R3HDM1: variants seen among roughly 807,000 people sequenced by gnomAD.
R3HDM1 encodes R3H domain containing 1.
A neutral mutation model predicts 141.1 loss-of-function variants in R3HDM1; 46 were observed. That is an observed-to-expected ratio of 0.33 (90% CI 0.26 to 0.42). R3HDM1 has a LOEUF of 0.42. R3HDM1 is among the 10% of genes least tolerant of loss of function. The probability of loss-of-function intolerance (pLI) is 1.00; values close to 1 mark genes in which losing one functional copy is unlikely to be tolerated. For synonymous variants in R3HDM1, 435 were observed against 472.9 expected, an observed-to-expected ratio of 0.92 and a Z score of 1.04; for missense variants, 1,184 against 1,368.3, an observed-to-expected ratio of 0.87 and a Z score of 2.12.
At chr2:135,532,067 A>C (rs1694940588) in intron 1 of R3HDM1, among the ~76,000 whole-genome samples, 2 of 152,240 alleles carry the variant, frequency 1.3e-5, no homozygotes, top group Admixed American at 1.3e-4. Flanking sequence ...CAGCCACAGC[A>C]GGCCTGCCAA....
At chr2:135,660,522 G>A (rs188907870) in intron 18 of R3HDM1, among the ~76,000 whole-genome samples, 4 of 152,172 alleles carry the variant, frequency 2.6e-5, no homozygotes, top group Admixed American at 2.6e-4. Context: ...TAAAGATTTT[G>A]GAGCATTTCA....
At chr2:135,643,007 C>G (rs1186303537) in intron 15 of R3HDM1, among the ~76,000 whole-genome samples, 1 of 151,964 alleles carries the variant, frequency 6.6e-6, no homozygotes, top group Non-Finnish European at 1.5e-5. Context: ...ATTTTTCATT[C>G]AAAACATAAT....
Position 135,638,631 on chromosome 2 carries a change from A to C in R3HDM1, c.917A>C (p.Gln306Pro), listed in dbSNP as rs759186060. 3 of 1,609,826 alleles carry C rather than the reference A, an allele frequency of 1.9e-6. No homozygotes were observed. The highest frequency in any genetic ancestry group is 2.6e-6 in the Non-Finnish European group (3 of 1,176,416). The change falls in exon 12 of 27, where the codon CAA becomes CCA. Residue 306 changes from glutamine to proline, a missense_variant. Physicochemically the swap from Gln to Pro is moderately conservative, Grantham distance 76. Coordinates refer to ENST00000683871, the MANE Select transcript of R3HDM1 (RefSeq NM_001378107.1). ...RIFSQDSLCS[Q>P]ENYIIDKRLQ... ...TCTTTTTTCTAGTCCCTGTGTTCCC[A>C]AGAGAATTACATTATTGACAAAAGG... is the stretch of plus-strand genomic sequence containing the variant.
At chr2:135,617,708 A>G (rs2061168951) in intron 5 of R3HDM1, among the ~76,000 whole-genome samples, 1 of 152,168 alleles carries the variant, frequency 6.6e-6, no homozygotes, top group Non-Finnish European at 1.5e-5. Context: ...ATGCATAAAT[A>G]TTTTTGGATC....
rs527949965 is a variant in R3HDM1, at chr2:135,589,899, T to C, written c.-249-12601T>C. Among the ~76,000 whole-genome samples, 5 of 152,216 alleles carry C rather than the reference T, an allele frequency of 3.3e-5. No homozygotes were observed. The East Asian group carries it at 9.6e-4, about 29-fold the overall frequency. On this transcript the variant is annotated intron_variant, in intron 1 of 26. Transcript: ENST00000683871. ...CTTATAAATATGCATGTCATTTTAT[T>C]ATAATATACATAGATATAAAAAGGG... is the stretch of plus-strand genomic sequence containing the variant.
intron 19 of R3HDM1, chr2:135,665,291 A>G: frequency 2.4e-6 from 1 of 409,328 alleles, no homozygotes; most frequent in Non-Finnish European, 5.1e-6. Flanking sequence ...TTAGGTTTAC[A>G]AAGCCCTAGC....
At chr2:135,710,372 C>A in intron 23 of R3HDM1, 141 bp downstream of exon 23, 1 of 830,196 alleles carries the variant, frequency 1.2e-6, no homozygotes, top group South Asian at 2.0e-5. Flanking sequence ...CCCCTGTAAT[C>A]CCAGCACTTT....
intron 19 of R3HDM1, chr2:135,667,515 A>G (rs1416460034): frequency 1.8e-6 from 1 of 566,988 alleles, no homozygotes; most frequent in Non-Finnish European, 2.2e-6. Flanking sequence ...AAATTCCTAT[A>G]AAAGATATAG....
At chr2:135,623,449 T>C (rs1019520283) in intron 7 of R3HDM1, among the ~76,000 whole-genome samples, 2 of 152,046 alleles carry the variant, frequency 1.3e-5, no homozygotes. Flanking sequence ...GATAAGAGAG[T>C]TGTTTATCTC....
intron 21 of R3HDM1, among the ~76,000 whole-genome samples, chr2:135,699,095 A>ATAGATAGATAGC (rs1184734241): frequency 6.6e-6 from 1 of 151,816 alleles, no homozygotes; most frequent in South Asian, 2.1e-4. Flanking sequence ...AGATAGATAG[A>ATAGATAGATAGC]TAGATAGATT....
chr2:135,723,884 C>G (rs2076950461), intron 26 of R3HDM1, 53 bp from the exon 27 acceptor site: 3 of 1,462,016 alleles, frequency 2.1e-6, no homozygotes, highest in Admixed American at 2.0e-5. Context: ...TGCTTTTTTA[C>G]CCAACTTTTT....
At chr2:135,720,868 CAG>C (rs1295602410) in intron 24 of R3HDM1, among the ~76,000 whole-genome samples, 1 of 152,098 alleles carries the variant, frequency 6.6e-6, no homozygotes, top group African/African-American at 2.4e-5. Context: ...AATGTTTATC[CAG>C]AGTTTCTTCC....
intron 24 of R3HDM1, among the ~76,000 whole-genome samples, chr2:135,721,134 T>C (rs2076661953): frequency 6.6e-6 from 1 of 152,198 alleles, no homozygotes; most frequent in South Asian, 2.1e-4. Context: ...CCTTAATCTT[T>C]TCAGAATTTT....
At chr2:135,711,853 G>A (rs1028002170) in intron 23 of R3HDM1, among the ~76,000 whole-genome samples, 20 of 151,306 alleles carry the variant, frequency 1.3e-4, no homozygotes, top group African/African-American at 4.8e-4. Flanking sequence ...CAGCTACTCA[G>A]GAAGCTGAGG....
chr2:135,579,353 A>G (rs1208723136), intron 1 of R3HDM1, among the ~76,000 whole-genome samples: 1 of 152,210 alleles, frequency 6.6e-6, no homozygotes, highest in Non-Finnish European at 1.5e-5. Context: ...TAGGTAGATA[A>G]GATAGATGGG....
At chr2:135,549,561 C>CAAAAAAAAAAAA in intron 1 of R3HDM1, among the ~76,000 whole-genome samples, 1 of 67,480 alleles carries the variant, frequency 1.5e-5, no homozygotes, top group Non-Finnish European at 3.3e-5. Context: ...AACTCTGCCT[C>CAAAAAAAAAAAA]AAAAAAAAAA....
chr2:135,553,927 T>G (rs1700268877), intron 1 of R3HDM1, among the ~76,000 whole-genome samples: 1 of 152,242 alleles, frequency 6.6e-6, no homozygotes, highest in African/African-American at 2.4e-5. Flanking sequence ...TGACCTCAGC[T>G]GATCCGCCCA....
At chr2:135,544,261 T>C (rs931611553) in intron 1 of R3HDM1, among the ~76,000 whole-genome samples, 7 of 152,208 alleles carry the variant, frequency 4.6e-5, no homozygotes, top group Admixed American at 1.3e-4. Context: ...AATATACTTA[T>C]GTAGTAAAAA....
intron 1 of R3HDM1, among the ~76,000 whole-genome samples, chr2:135,558,412 A>T (rs968389661): frequency 1.3e-5 from 2 of 152,228 alleles, no homozygotes; most frequent in African/African-American, 4.8e-5. Context: ...AATTTAAGAT[A>T]TTGGGGAGTT....
Sources: gnomAD v4.1 joint callset for allele counts (sites outside exome capture counted in the v4.1 genomes callset) on GRCh38, gnomAD v4.1.1 for gene constraint, MANE v1.5 for transcripts, NCBI Gene and HGNC (gene_info 2026-07-23, HGNC 2026-07-21) for gene names.